The following PUS7 variants were observed in gnomAD, a reference collection of about 807,000 sequenced individuals.
PUS7 encodes the protein pseudouridylate synthase 7 homolog.
A neutral mutation model predicts 79.8 loss-of-function variants in PUS7; 48 were observed. That is an observed-to-expected ratio of 0.60 (90% CI 0.48 to 0.76). The LOEUF (loss-of-function observed/expected upper bound fraction) is 0.76. Ranked by LOEUF, PUS7 falls within the 30% of genes least tolerant of loss-of-function variation. The pLI, the probability that PUS7 is intolerant of heterozygous loss-of-function variation, is 0.00. For missense variants in PUS7, 729 were observed against 797.6 expected (o/e 0.91, Z 1.04); for synonymous variants, 286 against 272.2 (o/e 1.05, Z -0.50).
intron 8 of PUS7, 138 bp downstream of exon 8, chr7:105,482,174 C>T (rs908331334): frequency 3.0e-6 from 3 of 999,466 alleles, no homozygotes; most frequent in Admixed American, 2.3e-5. Flanking sequence ...CCCTGCCAGG[C>T]CCTGCTCTGC....
At chr7:105,492,187 G>A (rs1473431803) in intron 6 of PUS7, among the ~76,000 whole-genome samples, 1 of 152,092 alleles carries the variant, frequency 6.6e-6, no homozygotes, top group Non-Finnish European at 1.5e-5. Flanking sequence ...AGGACTGTCT[G>A]CGCTCAGGAG....
At chr7:105,464,821 T>C in intron 13 of PUS7, among the ~76,000 whole-genome samples, 1 of 148,928 alleles carries the variant, frequency 6.7e-6, no homozygotes. Flanking sequence ...CCCTTTTTTT[T>C]TTTTTTTTTT....
intron 1 of PUS7, among the ~76,000 whole-genome samples, chr7:105,514,843 G>A (rs1318862530): frequency 6.7e-6 from 1 of 150,210 alleles, no homozygotes; most frequent in Non-Finnish European, 1.5e-5. Context: ...CCAGGCTGGA[G>A]AGCAGTGGCG....
At chr7:105,484,590 G>A (rs868131593) in intron 7 of PUS7, among the ~76,000 whole-genome samples, 16 of 151,616 alleles carry the variant, frequency 1.1e-4, no homozygotes, top group South Asian at 2.1e-4. Flanking sequence ...AGGCCGAGGC[G>A]GGCGGATTAC....
intron 9 of PUS7, among the ~76,000 whole-genome samples, chr7:105,478,054 C>A (rs541019334): frequency 5.3e-4 from 81 of 152,294 alleles, no homozygotes; most frequent in African/African-American, 1.9e-3. Flanking sequence ...AGTGATCCTG[C>A]CGCCTTGGCC....
chr7:105,470,631 A>C, intron 11 of PUS7, 57 bp downstream of exon 11: 2 of 1,474,122 alleles, frequency 1.4e-6, no homozygotes, highest in Non-Finnish European at 1.8e-6. Context: ...TCAAGATGAA[A>C]TTTAAAAAGC....
intron 14 of PUS7, among the ~76,000 whole-genome samples, chr7:105,459,750 T>C (rs1194680879): frequency 6.6e-6 from 1 of 151,770 alleles, no homozygotes; most frequent in Admixed American, 6.6e-5. Context: ...ATAGGCTCAA[T>C]CCAATTATAT....
At chr7:105,495,846 T>C (rs1478350975) in intron 5 of PUS7, among the ~76,000 whole-genome samples, 1 of 152,132 alleles carries the variant, frequency 6.6e-6, no homozygotes, top group Admixed American at 6.6e-5. Context: ...TTACTTCAGT[T>C]GTTCAATCCT....
rs748003419 is a variant in PUS7 at position 105,502,567 on chromosome 7, A to G, written c.586-3T>C. The G allele has an allele frequency of 6.2e-7, 1 of 1,613,058 alleles. No individual in the cohort carries two copies. Among genetic ancestry groups the G allele is most frequent in the Non-Finnish European group, 8.5e-7 (1 of 1,179,572 alleles). On this transcript the variant is annotated splice_region_variant and splice_polypyrimidine_tract_variant and intron_variant, in intron 4 of 15. Transcript: ENST00000469408. Reference sequence around the variant, plus strand: ...TTCTCTTTGGTGTCCTCGATAACCTATTAAAAAAAACAGATAGCAATACCA... The same window carrying G: ...TTCTCTTTGGTGTCCTCGATAACCTGTTAAAAAAAACAGATAGCAATACCA...
At chr7:105,483,194 C>G (rs199907486) in intron 7 of PUS7, among the ~76,000 whole-genome samples, 1 of 150,818 alleles carries the variant, frequency 6.6e-6, no homozygotes, top group Non-Finnish European at 1.5e-5. Flanking sequence ...TTTTTTGAGA[C>G]AGTCTCTCTC....
intron 9 of PUS7, among the ~76,000 whole-genome samples, chr7:105,476,015 T>C (rs1259550714): frequency 6.7e-6 from 1 of 149,774 alleles, no homozygotes; most frequent in Non-Finnish European, 1.5e-5. Flanking sequence ...ATAGCACGTG[T>C]CAAAATTTCC....
At chr7:105,464,804 C>T (rs957302729) in intron 13 of PUS7, among the ~76,000 whole-genome samples, 1 of 143,994 alleles carries the variant, frequency 6.9e-6, no homozygotes, top group Admixed American at 7.9e-5. Flanking sequence ...TAACAAATCC[C>T]CCTCTTCCCT....
At chr7:105,515,859 G>C (rs1825876222) in intron 1 of PUS7, among the ~76,000 whole-genome samples, 1 of 148,270 alleles carries the variant, frequency 6.7e-6, no homozygotes, top group Non-Finnish European at 1.5e-5. Context: ...GCCCAGGCTG[G>C]AGTGCAGTGG....
At chr7:105,507,869 C>A (rs917255054) in intron 2 of PUS7, among the ~76,000 whole-genome samples, 1 of 152,038 alleles carries the variant, frequency 6.6e-6, no homozygotes, top group African/African-American at 2.4e-5. Flanking sequence ...CATGATCATG[C>A]CACTGCATGC....
chr7:105,467,580 G>A (rs775714451), intron 12 of PUS7, among the ~76,000 whole-genome samples: 4 of 151,840 alleles, frequency 2.6e-5, no homozygotes, highest in South Asian at 2.1e-4. Context: ...GAGCCACTGC[G>A]CCCAGTGACT....
chr7:105,467,662 G>A (rs1823713215), intron 12 of PUS7, among the ~76,000 whole-genome samples: 1 of 151,866 alleles, frequency 6.6e-6, no homozygotes, highest in African/African-American at 2.4e-5. Flanking sequence ...CTAGATCGAA[G>A]TTTCGAAAGT....
At chr7:105,515,913 G>T (rs1301351855) in intron 1 of PUS7, among the ~76,000 whole-genome samples, 1 of 151,662 alleles carries the variant, frequency 6.6e-6, no homozygotes, top group Non-Finnish European at 1.5e-5. Context: ...GGGTTCAAAC[G>T]ATTCTCCTGC....
At chr7:105,464,403 AGAG>A (rs1428219484) in intron 13 of PUS7, among the ~76,000 whole-genome samples, 4 of 152,310 alleles carry the variant, frequency 2.6e-5, no homozygotes, top group African/African-American at 9.6e-5. Context: ...GGGTGTTTCT[AGAG>A]AAGACTGGCA....
intron 9 of PUS7, among the ~76,000 whole-genome samples, chr7:105,475,974 T>A (rs1824091434): frequency 6.6e-6 from 1 of 152,048 alleles, no homozygotes; most frequent in South Asian, 2.1e-4. Flanking sequence ...TTATGTCAGG[T>A]AACATAAAGT....
Sources: allele counts gnomAD v4.1 joint callset (sites outside exome capture counted in the v4.1 genomes callset), GRCh38; gene constraint gnomAD v4.1.1; transcripts MANE v1.5; gene names NCBI Gene and HGNC (gene_info 2026-07-23, HGNC 2026-07-21).